HAPSTR2: variants seen among roughly 807,000 people sequenced by gnomAD.
The protein encoded by HAPSTR2 is HUWE1-associated protein modifying stress responses 2.
the HAPSTR2 span, chrX:140,091,806 C>G: frequency 1.0e-6 from 1 of 959,613 alleles, no homozygotes; most frequent in Non-Finnish European, 1.3e-6. Context: ...CAAGTGGGAG[C>G]GCCAGTGCCT....
chrX:140,092,689 A>C, the HAPSTR2 span: 1 of 504,378 alleles, frequency 2.0e-6, no homozygotes, highest in Non-Finnish European at 2.4e-6. Context: ...ATTTCTAACA[A>C]TTTTGCCATA....
chrX:140,091,992 T>G, the HAPSTR2 span: 1 of 826,129 alleles, frequency 1.2e-6, no homozygotes, highest in Non-Finnish European at 1.5e-6. Flanking sequence ...ACTTTCCATG[T>G]GGGACCCCTT....
chrX:140,092,482 G>C, the HAPSTR2 span: 2 of 751,793 alleles, frequency 2.7e-6, no homozygotes, highest in South Asian at 1.4e-4. Flanking sequence ...CTGGACAGTG[G>C]GGGGATCCGC....
chrX:140,091,702 A>T, the HAPSTR2 span: 2 of 739,848 alleles, frequency 2.7e-6, no homozygotes, highest in Admixed American at 5.5e-5. Flanking sequence ...GCGGCGGCGG[A>T]GGAGGAGGCG....
At chrX:140,091,937 C>A in the HAPSTR2 span, 1 of 876,186 alleles carries the variant, frequency 1.1e-6, no homozygotes, top group Non-Finnish European at 1.4e-6. Context: ...TCTCGGCCAC[C>A]GCCGTTGCTC....
the HAPSTR2 span, chrX:140,091,938 G>A: frequency 2.3e-6 from 2 of 876,890 alleles, no homozygotes; most frequent in Non-Finnish European, 1.4e-6. Flanking sequence ...CTCGGCCACC[G>A]CCGTTGCTCA....
chrX:140,092,447 C>T, the HAPSTR2 span: 6 of 754,194 alleles, frequency 8.0e-6, no homozygotes, highest in Non-Finnish European at 7.8e-6. Flanking sequence ...TGAATCCCTT[C>T]GACTCAGAGG....
chrX:140,092,555 A>G, the HAPSTR2 span: 2 of 753,174 alleles, frequency 2.7e-6, no homozygotes, highest in Non-Finnish European at 3.1e-6. Flanking sequence ...AGCGCAACCG[A>G]ATGGTCTAAA....
At chrX:140,092,375 G>A in the HAPSTR2 span, 4 of 754,145 alleles carry the variant, frequency 5.3e-6, no homozygotes, top group Non-Finnish European at 6.3e-6. Flanking sequence ...CGGGCGACTC[G>A]CCTCAAGACA....
At chrX:140,092,366 G>T in the HAPSTR2 span, 19 of 752,210 alleles carry the variant, frequency 2.5e-5, no homozygotes, top group Non-Finnish European at 2.5e-5. Context: ...GCATGCGATC[G>T]GGCGACTCGC....
At chrX:140,091,928 C>G in the HAPSTR2 span, 2 of 884,757 alleles carry the variant, frequency 2.3e-6, no homozygotes, top group African/African-American at 4.3e-5. Flanking sequence ...TCTTCCAGAT[C>G]TCGGCCACCG....
chrX:140,092,324 G>C, the HAPSTR2 span: 1 of 754,507 alleles, frequency 1.3e-6, no homozygotes, highest in Non-Finnish European at 1.6e-6. Context: ...CGATCGCCCT[G>C]CATGGCCTCA....
the HAPSTR2 span, chrX:140,092,470 A>G: frequency 1.3e-6 from 1 of 754,077 alleles, no homozygotes; most frequent in Non-Finnish European, 1.6e-6. Context: ...CTGGCCCTCC[A>G]CCTGGACAGT....
At chrX:140,092,403 G>A in the HAPSTR2 span, 1 of 754,077 alleles carries the variant, frequency 1.3e-6, no homozygotes, top group African/African-American at 2.3e-5. Flanking sequence ...CGCCAGCAGT[G>A]GGCGCCGAAA....
the HAPSTR2 span, chrX:140,092,648 A>G: frequency 4.7e-6 from 3 of 640,810 alleles, no homozygotes; most frequent in African/African-American, 4.9e-5. Flanking sequence ...ACTGGAGACC[A>G]TTTTTCTTCC....
At chrX:140,092,038 A>C in the HAPSTR2 span, 1 of 813,227 alleles carries the variant, frequency 1.2e-6, no homozygotes, top group Non-Finnish European at 1.5e-6. Flanking sequence ...AGCCTCTACA[A>C]AGAGAGCGGG....
chrX:140,092,000 C>A, the HAPSTR2 span: 1 of 826,107 alleles, frequency 1.2e-6, no homozygotes, highest in South Asian at 5.8e-5. Flanking sequence ...TGTGGGACCC[C>A]TTCCAGAATG....
the HAPSTR2 span, chrX:140,091,915 A>G: frequency 1.1e-6 from 1 of 900,953 alleles, no homozygotes; most frequent in Admixed American, 4.8e-5. Context: ...AAGCTGTGGC[A>G]CCTCTTCCAG....
chrX:140,092,433 G>A, the HAPSTR2 span: 204 of 752,227 alleles, frequency 2.7e-4, no homozygotes, highest in Non-Finnish European at 3.0e-4. Context: ...CTTGGAGGAC[G>A]ACTTGAATCC....
Sources: allele counts gnomAD v4.1 joint callset, GRCh38; gene constraint gnomAD v4.1.1; transcripts MANE v1.5; gene names NCBI Gene and HGNC (gene_info 2026-07-23, HGNC 2026-07-21).